Variants in CRADD observed in about 807,000 individuals in gnomAD.
CRADD encodes the protein CARD and death domain containing adaptor protein, also known as death domain-containing protein CRADD.
CRADD carries 9 observed loss-of-function variants against 15.5 expected under a neutral mutation model. That is an observed-to-expected ratio of 0.58 (90% CI 0.35 to 1.01). The LOEUF is 1.01. CRADD is among the 50% of genes least tolerant of loss of function. The probability of loss-of-function intolerance (pLI) is 0.02; values close to 1 mark genes in which losing one functional copy is unlikely to be tolerated. For missense variants in CRADD, 227 were observed against 250.3 expected (o/e 0.91, Z 0.63); for synonymous variants, 118 against 107.6 (o/e 1.10, Z -0.60).
At chr12:93,722,955 G>C (rs114975199) in intron 2 of CRADD, among the ~76,000 whole-genome samples, 1 of 152,294 alleles carries the variant, frequency 6.6e-6, no homozygotes, top group African/African-American at 2.4e-5. Context: ...AGTGATAGAA[G>C]TGTGGGAGGA....
At chr12:93,860,117 A>G (rs1958307841) in intron 2 of CRADD, among the ~76,000 whole-genome samples, 2 of 144,180 alleles carry the variant, frequency 1.4e-5, no homozygotes, top group South Asian at 2.3e-4. Flanking sequence ...TCAACTTTTA[A>G]GAGGCCAACG....
At chr12:93,793,645 T>C (rs1957376968) in intron 2 of CRADD, among the ~76,000 whole-genome samples, 1 of 152,192 alleles carries the variant, frequency 6.6e-6, no homozygotes, top group Non-Finnish European at 1.5e-5. Flanking sequence ...TTCCTTACAA[T>C]GATGTCTGGG....
At chr12:93,841,832 T>G (rs961081919) in intron 2 of CRADD, among the ~76,000 whole-genome samples, 1 of 151,906 alleles carries the variant, frequency 6.6e-6, no homozygotes, top group Non-Finnish European at 1.5e-5. Context: ...TTCGCTCAGC[T>G]TTTTTTTCTA....
intron 2 of CRADD, among the ~76,000 whole-genome samples, chr12:93,879,858 T>C (rs1440420463): frequency 6.6e-6 from 1 of 152,224 alleles, no homozygotes; most frequent in Admixed American, 6.5e-5. Context: ...TCGACTATCT[T>C]GTCAAGCGTC....
chr12:93,810,584 A>G lies in CRADD; in HGVS notation c.299-39386A>G, dbSNP rs796635913. Among the ~76,000 whole-genome samples the G allele has an allele frequency of 9.3e-4, 131 of 140,364 alleles. 1 individual carries two copies. The highest frequency in any genetic ancestry group is 3.6e-3 in the Middle Eastern group (1 of 280). The allele number at this position is 140,364 out of a possible 152,430, so 92.1% of individuals were successfully genotyped here. A position where few individuals can be genotyped will look rare whatever the true frequency, so the allele number is the denominator to read the frequency against. ...AAAAAAAAAAAAAAAAAAAAAAAAA[A>G]AAAAAAAGAATAGGGAATTTCACTA... On this transcript the variant is annotated intron_variant, in intron 2 of 2. Coordinates refer to ENST00000332896, the MANE Select transcript of CRADD (RefSeq NM_003805.5).
chr12:93,749,883 T>C (rs1956810763), intron 2 of CRADD, among the ~76,000 whole-genome samples: 1 of 152,240 alleles, frequency 6.6e-6, no homozygotes. Context: ...TTGTCTGTGC[T>C]GATTTGCTTT....
intron 2 of CRADD, among the ~76,000 whole-genome samples, chr12:93,814,070 G>C (rs1001054268): frequency 5.9e-5 from 9 of 152,126 alleles, no homozygotes; most frequent in Non-Finnish European, 7.3e-5. Flanking sequence ...GGCCATGAGA[G>C]GTTTCTCAGC....
At chr12:93,884,373 G>A (rs1209245816) in intron 2 of CRADD, among the ~76,000 whole-genome samples, 1 of 152,172 alleles carries the variant, frequency 6.6e-6, no homozygotes, top group Non-Finnish European at 1.5e-5. Context: ...AAAATTGATA[G>A]AGACAGGAGA....
chr12:93,821,436 C>T (rs1373073991), intron 2 of CRADD, among the ~76,000 whole-genome samples: 1 of 152,234 alleles, frequency 6.6e-6, no homozygotes, highest in Non-Finnish European at 1.5e-5. Flanking sequence ...CATCTGATGG[C>T]TTCTGACTCC....
intron 2 of CRADD, among the ~76,000 whole-genome samples, chr12:93,798,618 T>C (rs1592999687): frequency 6.6e-6 from 1 of 152,270 alleles, no homozygotes; most frequent in East Asian, 1.9e-4. Context: ...GAGACTGGGC[T>C]CTTGACCATT....
chr12:93,852,143 A>C (rs976186801), downstream of CRADD, among the ~76,000 whole-genome samples: 1 of 152,194 alleles, frequency 6.6e-6, no homozygotes, highest in Non-Finnish European at 1.5e-5. Context: ...TCTTCAGTGA[A>C]TCACTTGTCA....
chr12:93,858,425 A>G (rs758559137), intron 2 of CRADD, among the ~76,000 whole-genome samples: 2 of 152,354 alleles, frequency 1.3e-5, no homozygotes, highest in South Asian at 2.1e-4. Flanking sequence ...ACAACCCAAA[A>G]GGGCAGAAGA....
intron 2 of CRADD, among the ~76,000 whole-genome samples, chr12:93,782,594 G>GAA (rs77333769): frequency 4.3e-5 from 5 of 115,022 alleles, no homozygotes; most frequent in African/African-American, 6.3e-5. Context: ...TCCGTCTCAG[G>GAA]AAAAAAAAAA....
At chr12:93,720,060 T>A (rs1956231621) in intron 2 of CRADD, among the ~76,000 whole-genome samples, 1 of 152,130 alleles carries the variant, frequency 6.6e-6, no homozygotes. Context: ...TCTTTCCTAA[T>A]TTTTGCATCC....
intron 2 of CRADD, among the ~76,000 whole-genome samples, chr12:93,790,184 C>T (rs961270714): frequency 3.3e-5 from 5 of 152,074 alleles, no homozygotes; most frequent in South Asian, 2.1e-4. Context: ...AACCTATAGC[C>T]GCAGAAAGAG....
intron 2 of CRADD, chr12:93,735,608 T>C (rs1303855825): frequency 6.6e-6 from 1 of 152,088 alleles, no homozygotes; most frequent in South Asian, 2.1e-4. Context: ...ACATTAGAAA[T>C]AGGAAAAGTC....
At chr12:93,685,416 C>G (rs1368660833) in intron 2 of CRADD, among the ~76,000 whole-genome samples, 6 of 152,034 alleles carry the variant, frequency 3.9e-5, no homozygotes, top group Non-Finnish European at 7.4e-5. Context: ...TTTCAAAATG[C>G]TAGAAGAGAG....
At chr12:93,833,363 G>A (rs1331639450) in intron 2 of CRADD, among the ~76,000 whole-genome samples, 2 of 152,002 alleles carry the variant, frequency 1.3e-5, no homozygotes, top group African/African-American at 2.4e-5. Flanking sequence ...TTTTGAGGTA[G>A]GGTCTCCCTG....
chr12:93,790,585 T>C (rs1030940013), intron 2 of CRADD: 10 of 152,174 alleles, frequency 6.6e-5, no homozygotes, highest in African/African-American at 2.4e-4. Context: ...ATTTGTGTAA[T>C]ATTTATATGG....
Sources: allele counts gnomAD v4.1 joint callset (sites outside exome capture counted in the v4.1 genomes callset), GRCh38; gene constraint gnomAD v4.1.1; transcripts MANE v1.5; gene names NCBI Gene and HGNC (gene_info 2026-07-23, HGNC 2026-07-21).